NDUFAF2: variants seen among roughly 807,000 people sequenced by gnomAD.
NDUFAF2 encodes the protein NADH:ubiquinone oxidoreductase complex assembly factor 2.
A neutral mutation model predicts 22.8 loss-of-function variants in NDUFAF2; 13 were observed. The ratio of observed to expected loss-of-function variants is 0.57; its 90% CI spans 0.37 to 0.91. The LOEUF is 0.91. Ranked by LOEUF, NDUFAF2 falls within the 40% of genes least tolerant of loss-of-function variation. The probability of loss-of-function intolerance (pLI) is 0.01; values close to 1 mark genes in which losing one functional copy is unlikely to be tolerated. For missense variants in NDUFAF2, 162 were observed against 195.2 expected (o/e 0.83, Z 1.01); for synonymous variants, 53 against 64.2 (o/e 0.83, Z 0.84).
chr5:61,028,892 G>C (rs1223890489), intron 1 of NDUFAF2, among the ~76,000 whole-genome samples: 2 of 152,096 alleles, frequency 1.3e-5, no homozygotes, highest in East Asian at 3.9e-4. Context: ...TATTATCTCT[G>C]ACGGTTTTTA....
chr5:61,147,946 A>AT (rs1388284866), intron 3 of NDUFAF2, among the ~76,000 whole-genome samples: 1 of 152,070 alleles, frequency 6.6e-6, no homozygotes, highest in Non-Finnish European at 1.5e-5. Context: ...AGCTCCAGCA[A>AT]TTTTCAGCCT....
chr5:61,018,513 C>A (rs1460825305), intron 1 of NDUFAF2, among the ~76,000 whole-genome samples: 1 of 152,082 alleles, frequency 6.6e-6, no homozygotes, highest in Non-Finnish European at 1.5e-5. Flanking sequence ...TATCATTATA[C>A]CACTGGTTTA....
At chr5:61,012,126 A>G (rs1319876661) in intron 1 of NDUFAF2, among the ~76,000 whole-genome samples, 1 of 151,948 alleles carries the variant, frequency 6.6e-6, no homozygotes, top group East Asian at 1.9e-4. Flanking sequence ...AGGTTTCTCA[A>G]ACTATTCCTT....
intron 1 of NDUFAF2, among the ~76,000 whole-genome samples, chr5:60,948,334 G>A (rs149174126): frequency 1.2e-4 from 18 of 152,030 alleles, no homozygotes; most frequent in South Asian, 4.2e-4. Flanking sequence ...ATTCTCCTGC[G>A]TCAGCCTCCC....
intron 3 of NDUFAF2, chr5:61,145,860 TC>T (rs1209036608): frequency 2.6e-5 from 4 of 152,156 alleles, no homozygotes; most frequent in Non-Finnish European, 5.9e-5. Context: ...ATGATATTCT[TC>T]AATATTTCAC....
In NDUFAF2 at chr5:60,988,688, C is replaced by T. The variant is rs376427601; in HGVS notation, c.127+43306C>T. On this transcript the variant is annotated intron_variant, in intron 1 of 3. Coordinates refer to ENST00000296597, the MANE Select transcript of NDUFAF2 (RefSeq NM_174889.5). ...AAAACAAGCAATGGGGAAAGGACTC[C>T]CTATTCTACAAATGATGCTGGGATA... Among the ~76,000 whole-genome samples the T allele has an allele frequency of 1.7e-3, 260 of 152,276 alleles. 1 individual carries two copies. Among genetic ancestry groups the T allele is most frequent in the African/African-American group, 5.8e-3 (242 of 41,548 alleles).
intron 1 of NDUFAF2, among the ~76,000 whole-genome samples, chr5:60,993,886 G>A (rs1751193448): frequency 6.6e-6 from 1 of 152,206 alleles, no homozygotes; most frequent in African/African-American, 2.4e-5. Context: ...TCCTGAAAAG[G>A]CACCATAAAT....
intron 3 of NDUFAF2, among the ~76,000 whole-genome samples, chr5:61,140,507 C>T (rs1162128815): frequency 6.6e-6 from 1 of 152,152 alleles, no homozygotes; most frequent in Non-Finnish European, 1.5e-5. Flanking sequence ...ATACAGCATA[C>T]CCAGTTAAAT....
intron 1 of NDUFAF2, among the ~76,000 whole-genome samples, chr5:61,027,797 T>A (rs1580101802): frequency 6.6e-6 from 1 of 152,000 alleles, no homozygotes; most frequent in African/African-American, 2.4e-5. Context: ...GTCAATTTCA[T>A]CACCCGATCA....
chr5:61,082,225 A>G lies in NDUFAF2; in HGVS notation c.217+9011A>G, dbSNP rs1752451959. Among the ~76,000 whole-genome samples the G allele has an allele frequency of 1.3e-5, 2 of 152,186 alleles. 1 individual carries two copies. The highest frequency in any genetic ancestry group is 4.8e-5 in the African/African-American group (2 of 41,458). On this transcript the variant is annotated intron_variant, in intron 2 of 3. Transcript: ENST00000296597. ...TCCTGAGATTGTGCAAATAAAATTC[A>G]TCATTCTTGGGGATGAAATAGAAGC...
chr5:61,128,809 T>C (rs1753069872), intron 3 of NDUFAF2, among the ~76,000 whole-genome samples: 1 of 152,030 alleles, frequency 6.6e-6, no homozygotes. Flanking sequence ...GGGATCTAAT[T>C]AAACTAAAGA....
intron 3 of NDUFAF2, among the ~76,000 whole-genome samples, chr5:61,147,437 CTTTT>C (rs1240336890): frequency 1.2e-4 from 10 of 84,734 alleles, no homozygotes; most frequent in Admixed American, 1.7e-4. Flanking sequence ...TTTTTTCTTT[CTTTT>C]TTTTTTTTTT....
At chr5:61,119,636 T>A (rs985715802) in intron 3 of NDUFAF2, among the ~76,000 whole-genome samples, 1 of 152,298 alleles carries the variant, frequency 6.6e-6, no homozygotes, top group African/African-American at 2.4e-5. Context: ...AAGATGTGGT[T>A]GAATGGGTTA....
intron 3 of NDUFAF2, among the ~76,000 whole-genome samples, chr5:61,120,241 G>A (rs1282727925): frequency 6.6e-6 from 1 of 152,092 alleles, no homozygotes; most frequent in African/African-American, 2.4e-5. Context: ...GATAAATGTG[G>A]TAGGCAGTGA....
chr5:61,080,542 G>A (rs1040277088), intron 2 of NDUFAF2, among the ~76,000 whole-genome samples: 5 of 152,092 alleles, frequency 3.3e-5, no homozygotes, highest in Admixed American at 2.0e-4. Flanking sequence ...TTACATTTGA[G>A]CCATTCTAAT....
intron 1 of NDUFAF2, among the ~76,000 whole-genome samples, chr5:60,962,841 A>T (rs918443840): frequency 1.5e-4 from 23 of 152,090 alleles, no homozygotes; most frequent in African/African-American, 5.3e-4. Context: ...TAAAAAAAAA[A>T]AAATGGAGAG....
At chr5:61,113,040 A>G (rs1189028778) in intron 3 of NDUFAF2, among the ~76,000 whole-genome samples, 1 of 152,052 alleles carries the variant, frequency 6.6e-6, no homozygotes, top group Admixed American at 6.6e-5. Flanking sequence ...TAAAAACTGT[A>G]CACTTTAACA....
At chr5:61,085,002 G>A (rs1324268363) in intron 2 of NDUFAF2, among the ~76,000 whole-genome samples, 1 of 152,060 alleles carries the variant, frequency 6.6e-6, no homozygotes, top group South Asian at 2.1e-4. Flanking sequence ...ACCAGGATGG[G>A]CCACATATTC....
intron 1 of NDUFAF2, among the ~76,000 whole-genome samples, chr5:60,977,012 G>T (rs1210312973): frequency 6.6e-6 from 1 of 152,022 alleles, no homozygotes; most frequent in East Asian, 1.9e-4. Flanking sequence ...TATTTTCTTA[G>T]AAATGCCATT....
Sources: allele counts gnomAD v4.1 joint callset (sites outside exome capture counted in the v4.1 genomes callset), GRCh38; gene constraint gnomAD v4.1.1; transcripts MANE v1.5; gene names NCBI Gene and HGNC (gene_info 2026-07-23, HGNC 2026-07-21).